The following HIVEP3 variants were observed in gnomAD, a reference collection of about 807,000 sequenced individuals.
The protein encoded by HIVEP3 is HIVEP zinc finger 3.
A neutral mutation model predicts 152.8 loss-of-function variants in HIVEP3; 49 were observed. The observed-to-expected ratio is 0.32, with a 90% CI of 0.26 to 0.41. HIVEP3 has a LOEUF of 0.41. Ranked by LOEUF, HIVEP3 falls within the 10% of genes least tolerant of loss-of-function variation. HIVEP3 has a pLI of 1.00. For synonymous variants in HIVEP3, 1,269 were observed against 1,289.0 expected, an observed-to-expected ratio of 0.98 and a Z score of 0.33; for missense variants, 2,790 against 3,103.3, an observed-to-expected ratio of 0.90 and a Z score of 2.40.
Position 41,766,032 on chromosome 1 carries a change from G to A in HIVEP3, c.-800-65037C>T, listed in dbSNP as rs76295059. ...CACTTGCCCCTAGCTGGGCTTGGCC[G>A]CTGCTGCAGAGGGCCATCCTCTGCC... On this transcript the variant is annotated intron_variant, in intron 1 of 8. Transcript: ENST00000372583. Among the ~76,000 whole-genome samples the A allele has an allele frequency of 7.4e-3, 1,126 of 152,318 alleles. 8 individuals carry two copies. Among genetic ancestry groups the A allele is most frequent in the African/African-American group, 0.024 (987 of 41,572 alleles).
At position 41,581,585 on chromosome 1, in the gene HIVEP3, T is replaced by C. The variant is rs1428155497; in HGVS notation, c.3213A>G (p.Glu1071=). The C allele has an allele frequency of 6.2e-7, 1 of 1,613,436 alleles. No individual in the cohort carries two copies. Among genetic ancestry groups the C allele is most frequent in the East Asian group, 2.2e-5 (1 of 44,884 alleles). ...AGGGTTTACTGGATGAGGGCTGTGG[T>C]TCTTCGCTCTCCTGTCTTCCCTTGG... ...VAPKGRQESE[E]PQPSSSKPSA... Residue 1071 remains glutamate, a synonymous_variant, in exon 4 of 9, where the codon GAA becomes GAG. Transcript: ENST00000372583. This position sits in a 1 kb window ranked among gnomAD's most constrained non-coding sequence, Gnocchi z 4.5.
intron 1 of HIVEP3, among the ~76,000 whole-genome samples, chr1:41,770,290 C>T (rs72671209): frequency 0.082 from 12,437 of 152,174 alleles, 1,379 homozygotes; most frequent in African/African-American, 0.24. Flanking sequence ...TAAGGAGAAA[C>T]AGGATATCTG....
intron 1 of HIVEP3, among the ~76,000 whole-genome samples, chr1:41,912,071 G>A (rs781635045): frequency 2.6e-5 from 4 of 152,176 alleles, no homozygotes; most frequent in Non-Finnish European, 4.4e-5. Flanking sequence ...TCACAAACAC[G>A]CATAACTAGA....
chr1:41,527,756 C>T (rs536766441), intron 5 of HIVEP3, among the ~76,000 whole-genome samples: 38 of 148,046 alleles, frequency 2.6e-4, no homozygotes, highest in Middle Eastern at 7.2e-3. Flanking sequence ...CTCGCATTCA[C>T]CTTCACACTC....
intron 1 of HIVEP3, among the ~76,000 whole-genome samples, chr1:41,881,052 CACT>C (rs1489154270): frequency 6.6e-6 from 1 of 152,216 alleles, no homozygotes; most frequent in Non-Finnish European, 1.5e-5. Context: ...AAGTTCCTCC[CACT>C]AAAGGCCTCT....
chr1:41,661,789 C>T (rs946154542), intron 2 of HIVEP3, among the ~76,000 whole-genome samples: 1 of 152,228 alleles, frequency 6.6e-6, no homozygotes, highest in East Asian at 1.9e-4. Context: ...GCGCTGGACA[C>T]AGGAGGCTGT....
In HIVEP3 at chr1:41,750,111, T is replaced by C. The variant is rs1162536316; in HGVS notation, c.-800-49116A>G. ...GGTGGAATCTTGGCTCTGCCACTCA[T>C]TAAGCGCCATGACCTTAAGCACGTT... On this transcript the variant is annotated intron_variant, in intron 1 of 8. Coordinates refer to ENST00000372583, the MANE Select transcript of HIVEP3 (RefSeq NM_024503.5). 2.0e-5 allele frequency among the ~76,000 whole-genome samples: 3 copies of C among 152,294 alleles called. No individual in the cohort carries two copies. The East Asian group carries it at 5.8e-4, about 29-fold the overall frequency.
rs1268254725 is a variant in HIVEP3, at chr1:41,719,867, G to A, written c.-800-18872C>T. ...GTGTCTTGCCTGAGTCCTATATCTG[G>A]TAAACTGGCAGAGCCAGGCTAGGAA... On this transcript the variant is annotated intron_variant, in intron 1 of 8. Transcript: ENST00000372583. Among the ~76,000 whole-genome samples the A allele has an allele frequency of 2.0e-5, 3 of 152,318 alleles. No homozygotes were observed. In the East Asian group the frequency reaches 5.8e-4, roughly 29 times the overall value.
At chr1:41,572,909 C>T (rs1453147810) in intron 5 of HIVEP3, among the ~76,000 whole-genome samples, 1 of 152,184 alleles carries the variant, frequency 6.6e-6, no homozygotes, top group Admixed American at 6.5e-5. Context: ...ACTATATCTA[C>T]CAAATATTTC....
intron 2 of HIVEP3, among the ~76,000 whole-genome samples, chr1:41,649,839 C>T (rs1171028912): frequency 2.0e-5 from 3 of 152,134 alleles, no homozygotes; most frequent in African/African-American, 7.2e-5. Flanking sequence ...ATCTGGCACC[C>T]AATTTGGCAG....
chr1:42,008,667 C>T (rs1260119730), intron 1 of HIVEP3, among the ~76,000 whole-genome samples: 1 of 152,168 alleles, frequency 6.6e-6, no homozygotes, highest in Admixed American at 6.5e-5. Flanking sequence ...AAGTAAACTT[C>T]CTGAATTCTT....
chr1:41,657,047 A>G (rs1645638644), intron 2 of HIVEP3, among the ~76,000 whole-genome samples: 2 of 152,238 alleles, frequency 1.3e-5, no homozygotes. Flanking sequence ...TGTGGGTGGT[A>G]GATTTGCTCA....
chr1:41,703,396 C>T (rs536771992), intron 1 of HIVEP3, among the ~76,000 whole-genome samples: 10 of 152,320 alleles, frequency 6.6e-5, no homozygotes, highest in African/African-American at 9.6e-5. Context: ...AGTGTGGGGG[C>T]AGGTAAATGT....
intron 5 of HIVEP3, among the ~76,000 whole-genome samples, chr1:41,544,877 TAC>T (rs1643670466): frequency 2.5e-4 from 1 of 4,022 alleles, no homozygotes; most frequent in Non-Finnish European, 4.2e-4. Flanking sequence ...CCACCACCAC[TAC>T]CACCTCTACC....
chr1:41,714,502 G>T (rs892518718), intron 1 of HIVEP3, among the ~76,000 whole-genome samples: 1 of 152,204 alleles, frequency 6.6e-6, no homozygotes, highest in South Asian at 2.1e-4. Flanking sequence ...AGGACAGCAG[G>T]GGGGATGAGG....
At chr1:41,619,610 G>GGATGGT (rs546017659) in intron 3 of HIVEP3, among the ~76,000 whole-genome samples, 6 of 152,302 alleles carry the variant, frequency 3.9e-5, no homozygotes, top group African/African-American at 1.4e-4. Context: ...GGATGGATGA[G>GGATGGT]GATGGTGATG....
intron 1 of HIVEP3, among the ~76,000 whole-genome samples, chr1:41,866,509 G>C (rs1643977602): frequency 1.3e-5 from 2 of 152,078 alleles, no homozygotes; most frequent in Non-Finnish European, 2.9e-5. Context: ...ATTCACAGTG[G>C]ACCTGGCTGC....
At chr1:41,614,725 T>C (rs758191216) in intron 3 of HIVEP3, among the ~76,000 whole-genome samples, 3 of 152,160 alleles carry the variant, frequency 2.0e-5, no homozygotes, top group Non-Finnish European at 4.4e-5. Flanking sequence ...GGTAAGTCAC[T>C]TAGAAGGCCC....
intron 1 of HIVEP3, among the ~76,000 whole-genome samples, chr1:41,739,095 C>T (rs1380481025): frequency 3.3e-5 from 5 of 152,362 alleles, no homozygotes; most frequent in South Asian, 2.1e-4. Flanking sequence ...GAAAATAGAA[C>T]GTGAATCGAT....
Sources: gnomAD v4.1 joint callset for allele counts (sites outside exome capture counted in the v4.1 genomes callset) on GRCh38, gnomAD v4.1.1 for gene constraint, Gnocchi (gnomAD v3.1) non-coding constraint, MANE v1.5 for transcripts, NCBI Gene and HGNC (gene_info 2026-07-23, HGNC 2026-07-21) for gene names.